MRAP2: variants seen among roughly 807,000 people sequenced by gnomAD.
MRAP2 encodes melanocortin-2 receptor accessory protein 2.
In MRAP2, 20 loss-of-function variants were observed where a neutral mutation model predicts 17.4. The observed-to-expected ratio is 1.15, with a 90% CI of 0.81 to 1.67. The LOEUF is 1.67. MRAP2 is among the 40% of genes most tolerant of loss of function. The probability of loss-of-function intolerance (pLI) is 0.00; values close to 1 mark genes in which losing one functional copy is unlikely to be tolerated. For missense variants in MRAP2, 238 were observed against 240.0 expected (o/e 0.99, Z 0.05); for synonymous variants, 96 against 88.4 (o/e 1.09, Z -0.48).
At chr6:84,132,487 A>G in the MRAP2 span, among the ~76,000 whole-genome samples, 1 of 152,156 alleles carries the variant, frequency 6.6e-6, no homozygotes, top group Non-Finnish European at 1.5e-5. Flanking sequence ...CACCAATCAG[A>G]CATAGATTTG....
the MRAP2 span, among the ~76,000 whole-genome samples, chr6:84,105,448 C>T: frequency 6.6e-6 from 1 of 152,172 alleles, no homozygotes; most frequent in African/African-American, 2.4e-5. Flanking sequence ...TTCCTCTTTT[C>T]AAAACCATCA....
intron 1 of MRAP2, among the ~76,000 whole-genome samples, chr6:84,037,668 G>A (rs368543062): frequency 6.6e-6 from 1 of 152,168 alleles, no homozygotes; most frequent in East Asian, 1.9e-4. Context: ...TGAGTGCGGC[G>A]CAGGCAGGCT....
the MRAP2 span, among the ~76,000 whole-genome samples, chr6:84,109,770 G>C: frequency 7.0e-6 from 1 of 143,562 alleles, no homozygotes; most frequent in South Asian, 2.3e-4. Flanking sequence ...CCCCCCGACA[G>C]GTCCTGGTGT....
the MRAP2 span, among the ~76,000 whole-genome samples, chr6:84,128,912 A>C: frequency 2.0e-5 from 3 of 151,462 alleles, no homozygotes; most frequent in African/African-American, 7.3e-5. Flanking sequence ...TCATTGTTCA[A>C]CTTCCACTTA....
chr6:84,099,852 T>TTCTC, the MRAP2 span, among the ~76,000 whole-genome samples: 1 of 151,578 alleles, frequency 6.6e-6, no homozygotes, highest in Admixed American at 6.6e-5. Flanking sequence ...TATCTTCTTC[T>TTCTC]TCTCTCTCTC....
chr6:84,050,766 T>A (rs1477588574), intron 1 of MRAP2, among the ~76,000 whole-genome samples: 1 of 152,184 alleles, frequency 6.6e-6, no homozygotes, highest in Non-Finnish European at 1.5e-5. Flanking sequence ...AGGTTGGTGG[T>A]CCTGGGTGGC....
At chr6:84,052,613 G>C (rs1228295157) in intron 1 of MRAP2, 1 of 153,480 alleles carries the variant, frequency 6.5e-6, no homozygotes, top group Non-Finnish European at 1.4e-5. Flanking sequence ...TTAAAGAAGA[G>C]GTCAGAGGTT....
chr6:84,055,298 C>G lies in MRAP2; in HGVS notation c.-7-14C>G. ...ATTAACAGGTTCTGCGCTTGACTTT[C>G]TCCATTTGTGCAGGTCGGAGATGTC... is the stretch of plus-strand genomic sequence containing the variant. On this transcript the variant is annotated splice_polypyrimidine_tract_variant and intron_variant, in intron 1 of 3. Coordinates refer to ENST00000257776, the MANE Select transcript of MRAP2 (RefSeq NM_138409.4). 1 of 1,599,974 alleles carries G rather than the reference C, an allele frequency of 6.3e-7. No individual in the cohort carries two copies. The highest frequency in any genetic ancestry group is 8.5e-7 in the Non-Finnish European group (1 of 1,176,622).
intron 3 of MRAP2, among the ~76,000 whole-genome samples, chr6:84,084,765 C>G (rs1018917313): frequency 6.6e-6 from 1 of 151,964 alleles, no homozygotes; most frequent in South Asian, 2.1e-4. Context: ...TCCATGATGC[C>G]CATTGAGTTT....
the MRAP2 span, among the ~76,000 whole-genome samples, chr6:84,139,227 C>A: frequency 2.6e-5 from 4 of 152,200 alleles, no homozygotes; most frequent in Non-Finnish European, 5.9e-5. Flanking sequence ...GAGGAATCTG[C>A]AGTACTCCAT....
chr6:84,043,683 G>T (rs1053016989), intron 1 of MRAP2, among the ~76,000 whole-genome samples: 1 of 150,246 alleles, frequency 6.7e-6, no homozygotes, highest in African/African-American at 2.5e-5. Flanking sequence ...GAGTGGGTGG[G>T]TGGGTGTATT....
chr6:84,086,304 A>T (rs558964337), intron 3 of MRAP2, among the ~76,000 whole-genome samples: 1 of 152,334 alleles, frequency 6.6e-6, no homozygotes, highest in East Asian at 1.9e-4. Flanking sequence ...TGCCAGTTCC[A>T]GGTTGGACAG....
chr6:84,128,608 T>C, the MRAP2 span, among the ~76,000 whole-genome samples: 1 of 152,146 alleles, frequency 6.6e-6, no homozygotes, highest in Admixed American at 6.6e-5. Flanking sequence ...ATGGGAATAA[T>C]AGTAGTAACT....
the MRAP2 span, chr6:84,125,166 T>A: frequency 6.2e-7 from 1 of 1,613,670 alleles, no homozygotes; most frequent in Non-Finnish European, 8.5e-7. Context: ...TTGAGTCTAG[T>A]TCTGTGCGGA....
At chr6:84,069,803 T>C (rs2099495742) in intron 3 of MRAP2, among the ~76,000 whole-genome samples, 1 of 152,190 alleles carries the variant, frequency 6.6e-6, no homozygotes, top group African/African-American at 2.4e-5. Context: ...TATCTAGTTC[T>C]TCCTGATTTA....
intron 2 of MRAP2, chr6:84,062,453 T>C (rs2099493402): frequency 1.2e-6 from 1 of 801,488 alleles, no homozygotes; most frequent in Admixed American, 6.2e-5. Flanking sequence ...TTCAAGAATT[T>C]TGTTTTCCTT....
the MRAP2 span, among the ~76,000 whole-genome samples, chr6:84,113,677 T>C: frequency 2.0e-5 from 3 of 152,216 alleles, no homozygotes; most frequent in Non-Finnish European, 4.4e-5. Context: ...TTCTTCATAG[T>C]GTCAATGGTC....
At chr6:84,059,642 G>T (rs1295979103) in intron 2 of MRAP2, among the ~76,000 whole-genome samples, 1 of 152,122 alleles carries the variant, frequency 6.6e-6, no homozygotes, top group Admixed American at 6.5e-5. Flanking sequence ...GTTAAGGGGG[G>T]TTACTTTATT....
chr6:84,109,483 TGGTATATA>T, the MRAP2 span, among the ~76,000 whole-genome samples: 1 of 152,156 alleles, frequency 6.6e-6, no homozygotes, highest in Non-Finnish European at 1.5e-5. Context: ...TGCCTGTTGT[TGGTATATA>T]GGAAGGATAG....
Sources: gnomAD v4.1 joint callset for allele counts (sites outside exome capture counted in the v4.1 genomes callset) on GRCh38, gnomAD v4.1.1 for gene constraint, MANE v1.5 for transcripts, NCBI Gene and HGNC (gene_info 2026-07-23, HGNC 2026-07-21) for gene names.